Variants in KCNH1 observed in about 807,000 individuals in gnomAD.
The protein encoded by KCNH1 is voltage-gated delayed rectifier potassium channel KCNH1.
KCNH1 carries 27 observed loss-of-function variants against 69.2 expected under a neutral mutation model. The observed-to-expected ratio is 0.39, with a 90% CI of 0.29 to 0.54. The LOEUF (loss-of-function observed/expected upper bound fraction) is 0.54. Ranked by LOEUF, KCNH1 falls within the 20% of genes least tolerant of loss-of-function variation. The probability of loss-of-function intolerance (pLI) is 0.68; values close to 1 mark genes in which losing one functional copy is unlikely to be tolerated. For synonymous variants in KCNH1, 456 were observed against 487.7 expected, an observed-to-expected ratio of 0.93 and a Z score of 0.86; for missense variants, 798 against 1,261.6, an observed-to-expected ratio of 0.63 and a Z score of 5.57.
At chr1:211,034,545 T>C (rs1484711811) in intron 5 of KCNH1, among the ~76,000 whole-genome samples, 1 of 152,146 alleles carries the variant, frequency 6.6e-6, no homozygotes, top group Non-Finnish European at 1.5e-5. Context: ...TATTGTACTA[T>C]AGTTTTGCAG....
chr1:210,909,109 A>G (rs1343779280), intron 7 of KCNH1, among the ~76,000 whole-genome samples: 1 of 152,222 alleles, frequency 6.6e-6, no homozygotes, highest in African/African-American at 2.4e-5. Context: ...AAAAGCGAAA[A>G]TGGAAACATT....
In KCNH1 at chr1:210,766,886, G is replaced by A. The variant is rs567413765; in HGVS notation, c.2112+8462C>T. The stretch of plus-strand genomic sequence containing the variant: ...TCAAAGTCCCCTTGGAAATAGGGGA[G>A]AACTAACATTTCTTTTTATTAATCT... On this transcript the variant is annotated intron_variant, in intron 10 of 10. Transcript: ENST00000271751. Among the ~76,000 whole-genome samples the A allele has an allele frequency of 2.6e-5, 4 of 152,316 alleles. No individual in the cohort carries two copies. In the South Asian group the frequency reaches 8.3e-4, roughly 32 times the overall value.
At chr1:210,975,755 C>A in intron 6 of KCNH1, among the ~76,000 whole-genome samples, 1 of 152,140 alleles carries the variant, frequency 6.6e-6, no homozygotes, top group Non-Finnish European at 1.5e-5. Context: ...CAAATGGGAT[C>A]TAATTAAACT....
chr1:210,689,264 C>T (rs1681476954), intron 10 of KCNH1, among the ~76,000 whole-genome samples: 1 of 152,208 alleles, frequency 6.6e-6, no homozygotes, highest in Non-Finnish European at 1.5e-5. Flanking sequence ...TGACGTGAGT[C>T]AGGATAGTCG....
intron 7 of KCNH1, among the ~76,000 whole-genome samples, chr1:210,847,323 A>G (rs1209114382): frequency 6.6e-6 from 1 of 152,204 alleles, no homozygotes; most frequent in Non-Finnish European, 1.5e-5. Context: ...AAGACTTGGA[A>G]CCAATCCAAA....
At chr1:211,028,401 T>C (rs1689721971) in intron 5 of KCNH1, among the ~76,000 whole-genome samples, 1 of 150,206 alleles carries the variant, frequency 6.7e-6, no homozygotes, top group Admixed American at 6.7e-5. Flanking sequence ...CAAGAATCTA[T>C]CAAAAAAGAA....
chr1:210,990,467 A>G (rs1161655041), intron 6 of KCNH1, among the ~76,000 whole-genome samples: 2 of 152,160 alleles, frequency 1.3e-5, no homozygotes, highest in Admixed American at 1.3e-4. Flanking sequence ...AGGTCAAGAA[A>G]AGATTCATGA....
intron 7 of KCNH1, chr1:210,861,810 C>A: frequency 1.3e-6 from 1 of 762,998 alleles, no homozygotes; most frequent in African/African-American, 1.7e-5. Flanking sequence ...GTTTTTTATA[C>A]TCATAAGTTT....
chr1:210,761,315 T>C (rs182998429), intron 10 of KCNH1, among the ~76,000 whole-genome samples: 530 of 123,764 alleles, frequency 4.3e-3, no homozygotes, highest in African/African-American at 0.015. Context: ...TATAAAGCAA[T>C]GACAGAATTG....
At chr1:210,833,496 A>G (rs1358372867) in intron 7 of KCNH1, among the ~76,000 whole-genome samples, 8 of 152,192 alleles carry the variant, frequency 5.3e-5, no homozygotes, top group Non-Finnish European at 1.2e-4. Context: ...GAAAGCTGAA[A>G]CCGGATTCCT....
In KCNH1 at chr1:210,862,144, T is replaced by C; in HGVS notation, c.1462+57496A>G. On this transcript the variant is annotated intron_variant, in intron 7 of 10. Transcript: ENST00000271751. Reference sequence around the variant, plus strand: ...TGCCTGTCTCACAGGTAAATCCAGCTGTTCCGACATAGTAATCTGGAGCAG... The same window carrying C: ...TGCCTGTCTCACAGGTAAATCCAGCCGTTCCGACATAGTAATCTGGAGCAG... The C allele has an allele frequency of 2.3e-6, 3 of 1,332,570 alleles. No individual in the cohort carries two copies. The Admixed American group carries it at 5.1e-5, about 22-fold the overall frequency. The allele number at this position is 1,332,570 out of a possible 1,614,324, so 82.5% of individuals were successfully genotyped here. A position where few individuals can be genotyped will look rare whatever the true frequency, so the allele number is the denominator to read the frequency against.
intron 10 of KCNH1, among the ~76,000 whole-genome samples, chr1:210,689,409 C>T (rs1681481233): frequency 6.6e-6 from 1 of 152,146 alleles, no homozygotes; most frequent in African/African-American, 2.4e-5. Flanking sequence ...GGGGGAAAGG[C>T]AGGCCTAGGA....
chr1:210,987,065 G>A (rs556564119), intron 6 of KCNH1, among the ~76,000 whole-genome samples: 6 of 152,130 alleles, frequency 3.9e-5, no homozygotes, highest in Non-Finnish European at 5.9e-5. Flanking sequence ...CTTTCTTCCA[G>A]GTGAGTGAAT....
chr1:211,067,282 G>T (rs569176201), intron 5 of KCNH1, among the ~76,000 whole-genome samples: 2 of 152,298 alleles, frequency 1.3e-5, no homozygotes, highest in South Asian at 4.1e-4. Context: ...TTTTAAGAAG[G>T]ATTCTCTGCC....
At chr1:210,843,998 T>A (rs546354783) in intron 7 of KCNH1, among the ~76,000 whole-genome samples, 1 of 152,296 alleles carries the variant, frequency 6.6e-6, no homozygotes, top group Non-Finnish European at 1.5e-5. Context: ...GATTTACTGA[T>A]GAGACCACAA....
At chr1:211,086,633 T>C (rs1690957099) in intron 4 of KCNH1, among the ~76,000 whole-genome samples, 1 of 152,174 alleles carries the variant, frequency 6.6e-6, no homozygotes, top group Non-Finnish European at 1.5e-5. Flanking sequence ...TTCTCAGGAA[T>C]GGAGAAATGG....
intron 2 of KCNH1, among the ~76,000 whole-genome samples, 181 bp downstream of exon 2, chr1:211,107,073 G>A: frequency 6.6e-6 from 1 of 152,066 alleles, no homozygotes; most frequent in East Asian, 1.9e-4. Flanking sequence ...TGGGAACTAT[G>A]TTTTACATCT....
intron 1 of KCNH1, among the ~76,000 whole-genome samples, chr1:211,114,115 G>T (rs1017538702): frequency 1.9e-4 from 29 of 152,084 alleles, no homozygotes; most frequent in Non-Finnish European, 4.4e-5. Flanking sequence ...GTGGACTGGA[G>T]CCCCACATAT....
intron 7 of KCNH1, among the ~76,000 whole-genome samples, chr1:210,830,716 C>A (rs1685141582): frequency 2.6e-5 from 4 of 152,128 alleles, no homozygotes; most frequent in African/African-American, 9.7e-5. Context: ...GTCATTCGGA[C>A]CATAATCTAT....
Sources: gnomAD v4.1 joint callset for allele counts (sites outside exome capture counted in the v4.1 genomes callset) on GRCh38, gnomAD v4.1.1 for gene constraint, MANE v1.5 for transcripts, NCBI Gene and HGNC (gene_info 2026-07-23, HGNC 2026-07-21) for gene names.